B4GALT5: variants seen among roughly 807,000 people sequenced by gnomAD.
The protein encoded by B4GALT5 is UDP-Gal:beta-GlcNAc beta-1,4-galactosyltransferase 5.
B4GALT5 carries 11 observed loss-of-function variants against 45.0 expected under a neutral mutation model. The ratio of observed to expected loss-of-function variants is 0.24; its 90% confidence interval spans 0.15 to 0.40. The LOEUF (loss-of-function observed/expected upper bound fraction) is 0.40, where lower values mean the gene tolerates loss of function less well. B4GALT5 is among the 10% of genes least tolerant of loss of function. The pLI is 1.00. For synonymous variants in B4GALT5, 185 were observed against 182.9 expected (o/e 1.01, Z -0.09); for missense variants, 337 against 500.2 (o/e 0.67, Z 3.11).
Position 49,635,114 on chromosome 20 carries a change from G to C in B4GALT5, c.*1198C>G, listed in dbSNP as rs1430222898. ...AAAGAATCTTTCCAGAAACCAAAAAGGGACACAGAGGAATCACTGAAGCCA... is the reference window on the plus strand; with the variant it reads ...AAAGAATCTTTCCAGAAACCAAAAACGGACACAGAGGAATCACTGAAGCCA... On this transcript the variant is annotated 3_prime_UTR_variant, in exon 9 of 9. Coordinates refer to ENST00000371711, the MANE Select transcript of B4GALT5 (RefSeq NM_004776.4). 6.6e-6 allele frequency: 1 copy of C among 152,202 alleles called. No individual in the cohort carries two copies. The highest frequency in any genetic ancestry group is 1.5e-5 in the Non-Finnish European group (1 of 68,050). 9.4% of individuals were successfully genotyped at this position (152,202 alleles called of 1,614,324 possible). A position where few individuals can be genotyped will look rare whatever the true frequency, so the allele number is the denominator to read the frequency against.
intron 1 of B4GALT5, among the ~76,000 whole-genome samples, chr20:49,666,959 A>C (rs548977271): frequency 6.6e-6 from 1 of 152,334 alleles, no homozygotes; most frequent in South Asian, 2.1e-4. Context: ...CTTATGTGCC[A>C]GCACCTTTCC....
chr20:49,684,937 A>G (rs1020592589), intron 1 of B4GALT5, among the ~76,000 whole-genome samples: 3 of 152,248 alleles, frequency 2.0e-5, no homozygotes, highest in Non-Finnish European at 4.4e-5. Flanking sequence ...AGTCACAGTT[A>G]TTATTTGTAT....
intron 1 of B4GALT5, among the ~76,000 whole-genome samples, chr20:49,692,976 T>C (rs1431295300): frequency 6.6e-6 from 1 of 152,200 alleles, no homozygotes; most frequent in Non-Finnish European, 1.5e-5. Context: ...ACCTTTTCTG[T>C]TTAGATATAT....
intron 1 of B4GALT5, among the ~76,000 whole-genome samples, chr20:49,665,438 T>G (rs1360995262): frequency 1.3e-5 from 1 of 76,234 alleles, no homozygotes; most frequent in Non-Finnish European, 2.8e-5. Context: ...GGGGGGGTAG[T>G]AGTAATAATA....
At chr20:49,656,783 T>C in intron 1 of B4GALT5, 81 bp from the exon 2 acceptor site, 1 of 1,572,062 alleles carries the variant, frequency 6.4e-7, no homozygotes, top group Non-Finnish European at 8.6e-7. Flanking sequence ...TATGGATTTT[T>C]TTTTCTTTTT....
chr20:49,650,478 A>C (rs1463590858), intron 2 of B4GALT5, among the ~76,000 whole-genome samples: 37 of 133,120 alleles, frequency 2.8e-4, no homozygotes, highest in South Asian at 9.7e-4. Context: ...AAAAAAAAAA[A>C]ACACAAAAAT....
At chr20:49,707,943 G>C (rs1045838679) in intron 1 of B4GALT5, among the ~76,000 whole-genome samples, 3 of 147,212 alleles carry the variant, frequency 2.0e-5, no homozygotes, top group Non-Finnish European at 3.0e-5. Context: ...TAAAATCTTA[G>C]GAATGGCCGG....
rs764228979 is a variant in B4GALT5, at chr20:49,647,075, T to A, written c.254A>T (p.Tyr85Phe). The stretch of plus-strand genomic sequence containing the variant: ...TTCACTGTGGTTCAAGTCAAGAGGA[T>A]AATCTAGGGAGGTAAAGGAAAAAAG... ...KRNSSVNDSD[Y>F]PLDLNHSETF... The change falls in exon 3 of 9, where the codon TAT becomes TTT. Residue 85 changes from tyrosine (Y) to phenylalanine (F), a missense_variant. Physicochemically the swap from Tyr to Phe is conservative, Grantham distance 22. This residue lies in a region of B4GALT5 where 174 missense variants were observed against 207.4 expected (regional missense o/e 0.84). Transcript: ENST00000371711. 3.2e-5 allele frequency: 52 copies of A among 1,609,734 alleles called. No individual in the cohort carries two copies. Among genetic ancestry groups the A allele is most frequent in the Non-Finnish European group, 4.2e-5 (50 of 1,176,832 alleles).
At position 49,647,038 on chromosome 20, in the gene B4GALT5, T is replaced by G. The variant is rs1309757305; in HGVS notation, c.291A>C (p.Gln97His). 3.1e-6 allele frequency: 5 copies of G among 1,613,974 alleles called. No individual in the cohort carries two copies. Among genetic ancestry groups the G allele is most frequent in the Non-Finnish European group, 4.2e-6 (5 of 1,179,918 alleles). The change falls in exon 3 of 9, where the codon CAA (glutamine) becomes CAC (histidine). Residue 97 changes from glutamine (Q) to histidine (H), a missense_variant. This residue lies in a region of B4GALT5 where 174 missense variants were observed against 207.4 expected (regional missense o/e 0.84). Coordinates refer to ENST00000371711, the MANE Select transcript of B4GALT5 (RefSeq NM_004776.4). ...LDLNHSETFL[Q>H]TTTFLPEDFT... is the part of the protein sequence containing the mutation. ...AGTCTTCAGGAAGAAATGTTGTAGT[T>G]TGCAGGAAGGTTTCACTGTGGTTCA...
chr20:49,661,094 G>A (rs2085662963), intron 1 of B4GALT5, among the ~76,000 whole-genome samples: 1 of 152,176 alleles, frequency 6.6e-6, no homozygotes, highest in African/African-American at 2.4e-5. Context: ...CTGTGAAGTA[G>A]ATATCATCTT....
intron 6 of B4GALT5, among the ~76,000 whole-genome samples, chr20:49,640,120 T>A (rs1362415841): frequency 6.6e-6 from 1 of 152,128 alleles, no homozygotes; most frequent in Non-Finnish European, 1.5e-5. Context: ...TTGCACCCAT[T>A]AGCAATCACC....
chr20:49,694,926 T>C (rs546603497), intron 1 of B4GALT5, among the ~76,000 whole-genome samples: 5 of 152,196 alleles, frequency 3.3e-5, no homozygotes, highest in Non-Finnish European at 7.4e-5. Flanking sequence ...GTTAGAACTC[T>C]CAATGCCATT....
intron 6 of B4GALT5, among the ~76,000 whole-genome samples, chr20:49,640,108 C>A (rs918579971): frequency 2.0e-5 from 3 of 152,152 alleles, no homozygotes; most frequent in Admixed American, 6.5e-5. Flanking sequence ...CCCCGCAAAG[C>A]CTTGCACCCA....
intron 1 of B4GALT5, among the ~76,000 whole-genome samples, chr20:49,678,740 G>A (rs955441260): frequency 6.6e-6 from 1 of 152,064 alleles, no homozygotes; most frequent in African/African-American, 2.4e-5. Context: ...GATAAAGTAG[G>A]TATTAGTACT....
intron 1 of B4GALT5, among the ~76,000 whole-genome samples, chr20:49,691,888 G>A (rs2085814218): frequency 6.6e-6 from 1 of 152,044 alleles, no homozygotes; most frequent in African/African-American, 2.4e-5. Flanking sequence ...CAAAACCCTA[G>A]GCAGTGACTG....
chr20:49,713,069 T>C (rs1227307642), intron 1 of B4GALT5, among the ~76,000 whole-genome samples: 2 of 84,976 alleles, frequency 2.4e-5, no homozygotes, highest in South Asian at 3.9e-4. Flanking sequence ...GATGGAGTCA[T>C]GGGGAGTGGG....
intron 1 of B4GALT5, among the ~76,000 whole-genome samples, chr20:49,681,192 C>T (rs8118989): frequency 0.021 from 2,607 of 124,568 alleles, 95 homozygotes; most frequent in African/African-American, 0.078. Flanking sequence ...CTCCAGCCTG[C>T]GCAACAGAGC....
chr20:49,648,766 G>A (rs2085609377), intron 2 of B4GALT5, among the ~76,000 whole-genome samples: 1 of 152,202 alleles, frequency 6.6e-6, no homozygotes, highest in African/African-American at 2.4e-5. Context: ...AGAGTAGGAG[G>A]AGGGTCCTCC....
intron 2 of B4GALT5, among the ~76,000 whole-genome samples, chr20:49,655,985 AGTTT>A (rs1352167627): frequency 6.6e-6 from 1 of 151,494 alleles, no homozygotes. Flanking sequence ...ATTATGCTAT[AGTTT>A]AAATGTCTGT....
Sources: gnomAD v4.1 joint callset for allele counts (sites outside exome capture counted in the v4.1 genomes callset) on GRCh38, gnomAD v4.1.1 for gene constraint, gnomAD v4.1.1 regional missense constraint, MANE v1.5 for transcripts, NCBI Gene and HGNC (gene_info 2026-07-23, HGNC 2026-07-21) for gene names.